Variants in CARS1 observed in about 807,000 individuals in gnomAD.
CARS1 encodes the protein cysteine--tRNA ligase, cytoplasmic.
In CARS1, 48 loss-of-function variants were observed where a neutral mutation model predicts 106.2. The observed-to-expected ratio is 0.45, with a 90% CI of 0.36 to 0.57. The LOEUF (loss-of-function observed/expected upper bound fraction) is 0.57. CARS1 is among the 20% of genes least tolerant of loss of function. The pLI is 0.00. For missense variants in CARS1, 968 were observed against 1,057.2 expected (o/e 0.92, Z 1.17); for synonymous variants, 409 against 403.4 (o/e 1.01, Z -0.17).
rs1855618007 is a variant in CARS1, at chr11:3,050,927, A to C, written c.26-2926T>G. ...CACCATCTGCCCCACCGCTCCATCT[A>C]CCTTATTCACTGCTCGATCTTCAGC... On this transcript the variant is annotated intron_variant, in intron 1 of 22. Transcript: ENST00000380525. This position sits in a 1 kb window ranked among gnomAD's most constrained non-coding sequence, Gnocchi z 6.3. 6.6e-6 allele frequency among the ~76,000 whole-genome samples: 1 copy of C among 152,042 alleles called. No homozygotes were observed. The highest frequency in any genetic ancestry group is 2.4e-5 in the African/African-American group (1 of 41,404).
chr11:3,047,661 C>G, intron 2 of CARS1, 92 bp downstream of exon 2: 1 of 1,499,434 alleles, frequency 6.7e-7, no homozygotes, highest in South Asian at 1.3e-5. Context: ...CTGGGGTATC[C>G]GCAGACGCCA....
chr11:3,024,948 T>G (rs1037709836), intron 10 of CARS1, among the ~76,000 whole-genome samples: 1 of 152,232 alleles, frequency 6.6e-6, no homozygotes, highest in Non-Finnish European at 1.5e-5. Flanking sequence ...GCCTGTTAAC[T>G]GTATTTCAAA....
rs1430043427 is a variant in CARS1 at position 3,045,834 on chromosome 11, G to A, written c.274+1919C>T. Among the ~76,000 whole-genome samples, 1 of 152,194 alleles carries A rather than the reference G, an allele frequency of 6.6e-6. No individual in the cohort carries two copies. Among genetic ancestry groups the A allele is most frequent in the Non-Finnish European group, 1.5e-5 (1 of 68,026 alleles). On this transcript the variant is annotated intron_variant, in intron 2 of 22. Transcript: ENST00000380525. This position sits in a 1 kb window ranked among gnomAD's most constrained non-coding sequence, Gnocchi z 5.6. ...GCAGCTCTGATTGTCACAGCTACAT[G>A]GAGGGAGATCCACAGCTACTGTCAT... is the stretch of plus-strand genomic sequence containing the variant.
Position 3,040,537 on chromosome 11 carries a change from GGTCTGA to G in CARS1, c.455+353_455+358del. ...AGCCAACCCAGCGTCAGGCCTGTCAGGTCTGAGTGTCACGGGAACTCAGCATCTGGG... is the reference window on the plus strand; with the variant it reads ...AGCCAACCCAGCGTCAGGCCTGTCAGGTGTCACGGGAACTCAGCATCTGGG... On this transcript the variant is annotated intron_variant, in intron 4 of 22. Transcript: ENST00000380525. This position sits in a 1 kb window ranked among gnomAD's most constrained non-coding sequence, Gnocchi z 5.8. The G allele has an allele frequency of 2.0e-6, 1 of 492,614 alleles. No individual in the cohort carries two copies. Among genetic ancestry groups the G allele is most frequent in the Admixed American group, 2.3e-5 (1 of 43,608 alleles). The allele number at this position is 492,614 out of a possible 1,614,324, so 30.5% of individuals were successfully genotyped here. A position where few individuals can be genotyped will look rare whatever the true frequency, so the allele number is the denominator to read the frequency against.
At position 3,017,274 on chromosome 11, in the gene CARS1, T is replaced by A; in HGVS notation, c.1749A>T (p.Ala583=). ...CATTGTCACAGAGGGCTTTGTGAAT[T>A]GCTGTCTTCTTGTCATAAAAGCTGA... ...LNKNFYDKKT[A]IHKALCDNVD... is the part of the protein sequence containing the mutation. The change falls in exon 16 of 23, where the codon GCA becomes GCT. Residue 583 remains alanine, a synonymous_variant. Transcript: ENST00000380525. The surrounding 1 kb of genome is among the most constrained non-coding windows in gnomAD (Gnocchi z 4.9). 6.2e-7 allele frequency: 1 copy of A among 1,613,872 alleles called. No homozygotes were observed. Among genetic ancestry groups the A allele is most frequent in the African/African-American group, 1.3e-5 (1 of 75,044 alleles).
Position 3,040,418 on chromosome 11 carries a change from G to A in CARS1, c.455+478C>T, listed in dbSNP as rs114491656. ...GACCTTGGCACTGCAACTAAAACATGAACACATAAAAGGACTCTGTGGCAT... is the reference window on the plus strand; with the variant it reads ...GACCTTGGCACTGCAACTAAAACATAAACACATAAAAGGACTCTGTGGCAT... On this transcript the variant is annotated intron_variant, in intron 4 of 22. Coordinates refer to ENST00000380525, the MANE Select transcript of CARS1 (RefSeq NM_001014437.3). The surrounding 1 kb of genome is among the most constrained non-coding windows in gnomAD (Gnocchi z 5.8). The A allele has an allele frequency of 1.1e-3, 457 of 413,580 alleles. 2 individuals carry two copies. Among genetic ancestry groups the A allele is most frequent in the African/African-American group, 8.9e-3 (434 of 48,886 alleles). 25.6% of individuals were successfully genotyped at this position (413,580 alleles called of 1,614,324 possible).
In CARS1 at chr11:3,048,142, G is replaced by A. The variant is rs916604424; in HGVS notation, c.26-141C>T. 19 of 1,039,980 alleles carry A rather than the reference G, an allele frequency of 1.8e-5. No homozygotes were observed. Among genetic ancestry groups the A allele is most frequent in the Middle Eastern group, 6.0e-4 (2 of 3,340 alleles). 64.4% of individuals were successfully genotyped at this position (1,039,980 alleles called of 1,614,324 possible). On this transcript the variant is annotated intron_variant, in intron 1 of 22. Transcript: ENST00000380525. This position sits in a 1 kb window ranked among gnomAD's most constrained non-coding sequence, Gnocchi z 5.1. ...CCCTGGACGCCAAACATCCAGAACA[G>A]GCAAAGGCACAGGGGCAGCGCTTCG...
At position 3,029,766 on chromosome 11, in the gene CARS1, G is replaced by A; in HGVS notation, c.802-323C>T. The A allele has an allele frequency of 2.8e-6, 1 of 357,234 alleles. No homozygotes were observed. The highest frequency in any genetic ancestry group is 5.1e-6 in the Non-Finnish European group (1 of 195,628). The allele number at this position is 357,234 out of a possible 1,614,324, so 22.1% of individuals were successfully genotyped here. A position where few individuals can be genotyped will look rare whatever the true frequency, so the allele number is the denominator to read the frequency against. The stretch of plus-strand genomic sequence containing the variant: ...GCCTACCTGGGCCGTGCAGGGCAGG[G>A]TTATGGGCAGAGGCTGGGCAGGAGC... On this transcript the variant is annotated intron_variant, in intron 7 of 22. Transcript: ENST00000380525. This position sits in a 1 kb window ranked among gnomAD's most constrained non-coding sequence, Gnocchi z 5.9.
Position 3,017,011 on chromosome 11 carries a change from T to TG in CARS1, c.1917+94dup, listed in dbSNP as rs2134139196. ...AGGTGCTGGGCACCAGGCACAGCAC[T>TG]GGGGGGCACCAGAGGCCTCTGTTCT... On this transcript the variant is annotated intron_variant, in intron 16 of 22. Transcript: ENST00000380525. The surrounding 1 kb of genome is among the most constrained non-coding windows in gnomAD (Gnocchi z 4.9). 2.9e-6 allele frequency: 3 copies of TG among 1,043,976 alleles called. No individual in the cohort carries two copies. Among genetic ancestry groups the TG allele is most frequent in the African/African-American group, 1.6e-5 (1 of 62,272 alleles). The allele number at this position is 1,043,976 out of a possible 1,614,324, so 64.7% of individuals were successfully genotyped here. A position where few individuals can be genotyped will look rare whatever the true frequency, so the allele number is the denominator to read the frequency against.
Position 3,047,737 on chromosome 11 carries a change from C to A in CARS1, c.274+16G>T. 6.3e-7 allele frequency: 1 copy of A among 1,596,552 alleles called. No individual in the cohort carries two copies. ...AGAGAGGTTCTAATGGCCAGGGAAC[C>A]CACTCTGTTACTCACTTGCTTGGAG... On this transcript the variant is annotated intron_variant, in intron 2 of 22. Transcript: ENST00000380525.
intron 1 of CARS1, among the ~76,000 whole-genome samples, chr11:3,049,307 C>T (rs1012413922): frequency 3.3e-5 from 5 of 152,116 alleles, no homozygotes; most frequent in Non-Finnish European, 7.3e-5. Context: ...ATCCAAAAGT[C>T]ACCTCTGCTG....
rs1224840781 is a variant in CARS1 at position 3,052,743 on chromosome 11, G to T, written c.25+4600C>A. Among the ~76,000 whole-genome samples the T allele has an allele frequency of 6.6e-6, 1 of 152,172 alleles. No homozygotes were observed. Among genetic ancestry groups the T allele is most frequent in the Non-Finnish European group, 1.5e-5 (1 of 68,030 alleles). ...TGGTAGCTGCATTTAAGTGTGTCTC[G>T]AGGAAACAAATAAAAATAGGTCAGC... On this transcript the variant is annotated intron_variant, in intron 1 of 22. Coordinates refer to ENST00000380525, the MANE Select transcript of CARS1 (RefSeq NM_001014437.3). This position sits in a 1 kb window ranked among gnomAD's most constrained non-coding sequence, Gnocchi z 4.6.
chr11:3,040,963 C>A lies in CARS1; in HGVS notation c.388G>T (p.Gly130Trp). The change falls in exon 4 of 23, where the codon GGG (glycine) becomes TGG (tryptophan). Residue 130 changes from glycine (G) to tryptophan (W), a missense_variant. By Grantham distance (184) the Gly-to-Trp change is radical. Transcript: ENST00000380525. This position sits in a 1 kb window ranked among gnomAD's most constrained non-coding sequence, Gnocchi z 5.8. Reference protein sequence around the residue: ...RNKEVFIPQDGKKVTWYCCGP... With the variant: ...RNKEVFIPQDWKKVTWYCCGP... ...CAGCAATACCACGTCACCTTTTTCC[C>A]ATCTTGAGGTATGAACACTTCCTTT... The A allele has an allele frequency of 1.9e-6, 3 of 1,614,178 alleles. No individual in the cohort carries two copies. The highest frequency in any genetic ancestry group is 2.5e-6 in the Non-Finnish European group (3 of 1,180,040).
chr11:3,026,636 G>A, intron 10 of CARS1, 40 bp downstream of exon 10: 1 of 1,608,024 alleles, frequency 6.2e-7, no homozygotes, highest in Admixed American at 1.7e-5. Context: ...GGCTGGGCCA[G>A]GAGGGAGAGC....
At position 3,041,912 on chromosome 11, in the gene CARS1, T is replaced by C. The variant is rs1305002433; in HGVS notation, c.366+253A>G. On this transcript the variant is annotated intron_variant, in intron 3 of 22. Transcript: ENST00000380525. The surrounding 1 kb of genome is among the most constrained non-coding windows in gnomAD (Gnocchi z 4.9). Reference sequence around the variant, plus strand: ...CCGAGAGACAAGCCAGGGTGATCCATGCCCAGAAGTCATGGGCAGGCTTCC... The same window carrying C: ...CCGAGAGACAAGCCAGGGTGATCCACGCCCAGAAGTCATGGGCAGGCTTCC... Among the ~76,000 whole-genome samples the C allele has an allele frequency of 6.6e-6, 1 of 152,174 alleles. No individual in the cohort carries two copies. Among genetic ancestry groups the C allele is most frequent in the African/African-American group, 2.4e-5 (1 of 41,452 alleles).
chr11:3,057,208 C>G (rs912171729), intron 1 of CARS1, 135 bp downstream of exon 1: 2 of 772,504 alleles, frequency 2.6e-6, no homozygotes, highest in African/African-American at 3.5e-5. Context: ...CCCCTCAGAC[C>G]ACGGACACAG....
chr11:3,035,591 T>C (rs1000216415), intron 7 of CARS1, among the ~76,000 whole-genome samples: 3 of 152,140 alleles, frequency 2.0e-5, no homozygotes, highest in South Asian at 2.1e-4. Context: ...GCTCAGGTGA[T>C]TGTCTCACCT....
intron 7 of CARS1, among the ~76,000 whole-genome samples, chr11:3,036,991 G>A (rs1395565941): frequency 1.3e-5 from 2 of 151,606 alleles, no homozygotes; most frequent in South Asian, 2.1e-4. Flanking sequence ...TTCTTATGAT[G>A]TGTGTTTTAC....
intron 2 of CARS1, among the ~76,000 whole-genome samples, chr11:3,047,105 G>A (rs993539947): frequency 5.3e-5 from 8 of 151,904 alleles, no homozygotes; most frequent in South Asian, 2.1e-4. Flanking sequence ...GTGAAACCCC[G>A]TCTCTACTAA....
Sources: gnomAD v4.1 joint callset for allele counts (sites outside exome capture counted in the v4.1 genomes callset) on GRCh38, gnomAD v4.1.1 for gene constraint, Gnocchi (gnomAD v3.1) non-coding constraint, MANE v1.5 for transcripts, NCBI Gene and HGNC (gene_info 2026-07-23, HGNC 2026-07-21) for gene names.